BMAL2: variants seen among roughly 807,000 people sequenced by gnomAD.
The protein encoded by BMAL2 is basic helix-loop-helix ARNT like 2, also known as basic helix-loop-helix ARNT-like protein 2.
chr12:27,336,947 C>CAAAA, the BMAL2 span, among the ~76,000 whole-genome samples: 8 of 73,816 alleles, frequency 1.1e-4, no homozygotes, highest in African/African-American at 2.7e-4. Context: ...GAGACTGTCT[C>CAAAA]AAAAAAAAAA....
the BMAL2 span, among the ~76,000 whole-genome samples, chr12:27,367,663 A>G: frequency 1.1e-3 from 161 of 152,230 alleles, no homozygotes; most frequent in Middle Eastern, 0.024. Flanking sequence ...CCTTAAAAAC[A>G]TGGACTAACA....
chr12:27,395,353 A>AT, the BMAL2 span, among the ~76,000 whole-genome samples: 2 of 152,072 alleles, frequency 1.3e-5, no homozygotes, highest in Non-Finnish European at 2.9e-5. Context: ...TTCTTGGAGG[A>AT]TTTTTCCTAG....
chr12:27,379,481 G>A, the BMAL2 span, among the ~76,000 whole-genome samples: 4 of 152,150 alleles, frequency 2.6e-5, no homozygotes, highest in African/African-American at 9.7e-5. Flanking sequence ...TAAGGATCAA[G>A]TAAGAGCTGG....
the BMAL2 span, among the ~76,000 whole-genome samples, chr12:27,356,631 G>A: frequency 6.6e-6 from 1 of 152,216 alleles, no homozygotes; most frequent in Non-Finnish European, 1.5e-5. Flanking sequence ...TGGCTACTGA[G>A]ATAAAACTCC....
the BMAL2 span, among the ~76,000 whole-genome samples, chr12:27,410,504 C>T: frequency 3.9e-5 from 6 of 152,070 alleles, no homozygotes; most frequent in Admixed American, 3.9e-4. Flanking sequence ...GACAAAAAAC[C>T]AAACACCGCA....
the BMAL2 span, among the ~76,000 whole-genome samples, chr12:27,348,403 G>A: frequency 6.6e-6 from 1 of 152,092 alleles, no homozygotes; most frequent in African/African-American, 2.4e-5. Context: ...TATATTGATA[G>A]GGTAGTAGCA....
the BMAL2 span, among the ~76,000 whole-genome samples, chr12:27,346,076 C>A: frequency 1.3e-5 from 2 of 152,148 alleles, no homozygotes; most frequent in Non-Finnish European, 2.9e-5. Context: ...GCTTGGGAAC[C>A]ATTTTAGTCT....
the BMAL2 span, among the ~76,000 whole-genome samples, chr12:27,335,549 G>A: frequency 0.041 from 6,197 of 152,254 alleles, 153 homozygotes; most frequent in Non-Finnish European, 0.061. Context: ...AATTTACTTT[G>A]TGAGTCAGAA....
the BMAL2 span, among the ~76,000 whole-genome samples, chr12:27,373,991 G>C: frequency 6.6e-6 from 1 of 152,114 alleles, no homozygotes; most frequent in East Asian, 1.9e-4. Flanking sequence ...ACAAAGAAAT[G>C]AATTGTTTGA....
the BMAL2 span, among the ~76,000 whole-genome samples, chr12:27,406,806 T>A: frequency 6.6e-6 from 1 of 152,148 alleles, no homozygotes; most frequent in African/African-American, 2.4e-5. Context: ...GCAAATTGTA[T>A]AAAGAGTCAA....
the BMAL2 span, among the ~76,000 whole-genome samples, chr12:27,408,010 C>T: frequency 6.6e-6 from 1 of 152,066 alleles, no homozygotes; most frequent in Admixed American, 6.5e-5. Flanking sequence ...TGGATAAATT[C>T]CTGACACATA....
At chr12:27,336,180 T>C in the BMAL2 span, among the ~76,000 whole-genome samples, 1 of 152,212 alleles carries the variant, frequency 6.6e-6, no homozygotes, top group Non-Finnish European at 1.5e-5. Flanking sequence ...GTCAGCATCA[T>C]CATGGTCATA....
chr12:27,403,672 C>A, the BMAL2 span: 1 of 461,166 alleles, frequency 2.2e-6, no homozygotes. Context: ...ATTATCTTTA[C>A]AGTAGCAACA....
chr12:27,403,375 T>C, the BMAL2 span: 4 of 1,168,200 alleles, frequency 3.4e-6, no homozygotes, highest in Admixed American at 1.9e-5. Context: ...TGTGAAATTA[T>C]TTGAATTGAA....
chr12:27,384,334 T>A, the BMAL2 span, among the ~76,000 whole-genome samples: 3 of 152,182 alleles, frequency 2.0e-5, no homozygotes, highest in African/African-American at 7.2e-5. Flanking sequence ...TTAATATAAC[T>A]CAGTGCTAAG....
At chr12:27,417,691 C>A in the BMAL2 span, among the ~76,000 whole-genome samples, 3 of 152,110 alleles carry the variant, frequency 2.0e-5, no homozygotes, top group Admixed American at 1.3e-4. Context: ...TGTCTGATAA[C>A]TGCTAAAAAG....
chr12:27,393,848 A>G, the BMAL2 span, among the ~76,000 whole-genome samples: 209 of 152,332 alleles, frequency 1.4e-3, 5 homozygotes, highest in Admixed American at 0.013. Flanking sequence ...AGAAACATGT[A>G]AACTAATAAG....
At chr12:27,388,338 A>G in the BMAL2 span, among the ~76,000 whole-genome samples, 1 of 152,174 alleles carries the variant, frequency 6.6e-6, no homozygotes, top group Non-Finnish European at 1.5e-5. Flanking sequence ...ACTTATATTA[A>G]CCACACAGTT....
the BMAL2 span, among the ~76,000 whole-genome samples, chr12:27,402,386 G>T: frequency 6.6e-6 from 1 of 152,148 alleles, no homozygotes; most frequent in Non-Finnish European, 1.5e-5. Flanking sequence ...TACAGGAACT[G>T]AGAGTTTGTT....
Sources: allele counts gnomAD v4.1 joint callset (sites outside exome capture counted in the v4.1 genomes callset), GRCh38; gene constraint gnomAD v4.1.1; transcripts MANE v1.5; gene names NCBI Gene and HGNC (gene_info 2026-07-23, HGNC 2026-07-21).